SEZ6L: variants seen among roughly 807,000 people sequenced by gnomAD.
SEZ6L encodes seizure related 6 homolog like.
Under a neutral mutation model 106.2 loss-of-function variants are expected in SEZ6L, and 37 were observed. The observed-to-expected ratio is 0.35, with a 90% CI of 0.27 to 0.46. The LOEUF is 0.46. SEZ6L is among the 20% of genes least tolerant of loss of function. The pLI, the probability that SEZ6L is intolerant of heterozygous loss-of-function variation, is 1.00. For synonymous variants in SEZ6L, 541 were observed against 570.4 expected, an observed-to-expected ratio of 0.95 and a Z score of 0.73; for missense variants, 1,172 against 1,332.8, an observed-to-expected ratio of 0.88 and a Z score of 1.88.
intron 10 of SEZ6L, among the ~76,000 whole-genome samples, chr22:26,342,009 G>T (rs2082851973): frequency 6.6e-6 from 1 of 152,172 alleles, no homozygotes; most frequent in Non-Finnish European, 1.5e-5. Context: ...GACAAGCAAG[G>T]ATGAAGGGTT....
intron 16 of SEZ6L, among the ~76,000 whole-genome samples, chr22:26,379,182 C>T (rs555722644): frequency 6.6e-6 from 1 of 152,324 alleles, no homozygotes; most frequent in East Asian, 1.9e-4. Flanking sequence ...AGGGGCCACC[C>T]GCAGTTTCTT....
intron 9 of SEZ6L, among the ~76,000 whole-genome samples, chr22:26,334,381 G>C (rs73158646): frequency 0.13 from 20,003 of 152,182 alleles, 1,441 homozygotes; most frequent in Middle Eastern, 0.18. Flanking sequence ...TGATTCAACA[G>C]GTGGCTTTTC....
At chr22:26,179,297 G>C (rs1939228932) in intron 1 of SEZ6L, among the ~76,000 whole-genome samples, 4 of 152,134 alleles carry the variant, frequency 2.6e-5, no homozygotes, top group Non-Finnish European at 5.9e-5. Context: ...GGCTGAGATG[G>C]GGGGATCCAC....
intron 9 of SEZ6L, among the ~76,000 whole-genome samples, chr22:26,338,867 C>CTTTTATTTT (rs2082731769): frequency 1.1e-5 from 1 of 87,468 alleles, no homozygotes; most frequent in Non-Finnish European, 2.0e-5. Context: ...TTTTTTTTTT[C>CTTTTATTTT]TTTTTTTTTT....
intron 9 of SEZ6L, among the ~76,000 whole-genome samples, chr22:26,327,624 AAAC>A (rs1451860509): frequency 1.4e-5 from 2 of 140,726 alleles, no homozygotes; most frequent in East Asian, 2.2e-4. Context: ...ACATGACACT[AAAC>A]ACACACCACA....
At chr22:26,209,816 T>C (rs1312918971) in intron 1 of SEZ6L, among the ~76,000 whole-genome samples, 1 of 79,210 alleles carries the variant, frequency 1.3e-5, no homozygotes, top group Non-Finnish European at 2.4e-5. Flanking sequence ...GATGGATAGA[T>C]GGAAGAAAGG....
intron 1 of SEZ6L, among the ~76,000 whole-genome samples, chr22:26,210,762 A>G (rs1040829074): frequency 6.6e-6 from 1 of 152,236 alleles, no homozygotes; most frequent in Non-Finnish European, 1.5e-5. Flanking sequence ...AAGAGAGTCC[A>G]CAAGCCAAAA....
intron 9 of SEZ6L, among the ~76,000 whole-genome samples, chr22:26,318,869 G>T (rs2082077618): frequency 6.6e-6 from 1 of 152,150 alleles, no homozygotes; most frequent in African/African-American, 2.4e-5. Flanking sequence ...TTGGGGGAAA[G>T]AATCAAACAA....
At chr22:26,187,920 T>C (rs1023768689) in intron 1 of SEZ6L, among the ~76,000 whole-genome samples, 12 of 152,154 alleles carry the variant, frequency 7.9e-5, no homozygotes, top group African/African-American at 2.9e-4. Flanking sequence ...CCTGAACCAA[T>C]TTGGAAGCCC....
intron 1 of SEZ6L, among the ~76,000 whole-genome samples, chr22:26,195,659 T>C (rs1940525361): frequency 6.6e-6 from 1 of 152,174 alleles, no homozygotes; most frequent in Non-Finnish European, 1.5e-5. Context: ...AAAATGGATG[T>C]GGTCTCCATG....
chr22:26,252,770 G>A lies in SEZ6L; in HGVS notation c.95-39636G>A, dbSNP rs142185662. On this transcript the variant is annotated intron_variant, in intron 1 of 16. Coordinates refer to ENST00000248933, the MANE Select transcript of SEZ6L (RefSeq NM_021115.5). ...GTGATTTTGTTCTTTGTTTATGGCTGCATAGTATTTCACAGTGTATATGTA... is the reference window on the plus strand; with the variant it reads ...GTGATTTTGTTCTTTGTTTATGGCTACATAGTATTTCACAGTGTATATGTA... Among the ~76,000 whole-genome samples, 683 of 152,342 alleles carry A rather than the reference G, an allele frequency of 4.5e-3. 3 individuals are homozygous for A. Among genetic ancestry groups the A allele is most frequent in the Admixed American group, 6.9e-3 (106 of 15,308 alleles).
intron 9 of SEZ6L, among the ~76,000 whole-genome samples, chr22:26,326,013 ACAGGTCCTACC>A (rs2082295695): frequency 6.6e-6 from 1 of 152,106 alleles, no homozygotes; most frequent in South Asian, 2.1e-4. Context: ...GAATCCATAC[ACAGGTCCTACC>A]CAGGTATCCC....
intron 1 of SEZ6L, among the ~76,000 whole-genome samples, chr22:26,267,655 A>C (rs2080232970): frequency 6.6e-6 from 1 of 152,222 alleles, no homozygotes; most frequent in African/African-American, 2.4e-5. Flanking sequence ...GAAAGTAGGC[A>C]TTTTAATTGT....
chr22:26,375,504 A>G, intron 14 of SEZ6L, 71 bp from the exon 15 acceptor site: 1 of 1,248,064 alleles, frequency 8.0e-7, no homozygotes. Flanking sequence ...GGGGTGGAGA[A>G]CTGGGCAGTT....
Position 26,351,084 on chromosome 22 carries a change from C to T in SEZ6L, c.2440C>T (p.His814Tyr), listed in dbSNP as rs865885210. 1 of 1,614,162 alleles carries T rather than the reference C, an allele frequency of 6.2e-7. No homozygotes were observed. Among genetic ancestry groups the T allele is most frequent in the Non-Finnish European group, 8.5e-7 (1 of 1,180,026 alleles). The change falls in exon 12 of 17, where the codon CAC becomes TAC. Residue 814 changes from histidine (H) to tyrosine (Y), a missense_variant. By Grantham distance (83) the His-to-Tyr change is moderately conservative (BLOSUM62 2). Coordinates refer to ENST00000248933, the MANE Select transcript of SEZ6L (RefSeq NM_021115.5). The stretch of plus-strand genomic sequence containing the variant: ...CTGCACCGACCCCGGAGAGGTGGAT[C>T]ACTCGACCCGCTTAATTTCGGATCC... ...MYCTDPGEVD[H>Y]STRLISDPVL... is the part of the protein sequence containing the mutation.
chr22:26,234,328 A>G (rs1013935312), intron 1 of SEZ6L, among the ~76,000 whole-genome samples: 5 of 152,130 alleles, frequency 3.3e-5, no homozygotes, highest in Admixed American at 6.5e-5. Context: ...ACCTTGGGGG[A>G]AGGAAATAAT....
chr22:26,336,156 C>T (rs1474517959), intron 9 of SEZ6L, among the ~76,000 whole-genome samples: 1 of 152,146 alleles, frequency 6.6e-6, no homozygotes, highest in Non-Finnish European at 1.5e-5. Context: ...ACTGCAAGGC[C>T]CTTCCCACTT....
chr22:26,318,722 G>A (rs1220317981), intron 9 of SEZ6L, among the ~76,000 whole-genome samples: 2 of 152,098 alleles, frequency 1.3e-5, no homozygotes, highest in Admixed American at 1.3e-4. Context: ...CAAATGAAAT[G>A]TATTCAAAGA....
intron 1 of SEZ6L, among the ~76,000 whole-genome samples, chr22:26,241,873 G>A (rs571764940): frequency 6.6e-5 from 10 of 152,214 alleles, no homozygotes; most frequent in East Asian, 1.9e-4. Context: ...CAAGGACACC[G>A]GGAGGACAAG....
Sources: gnomAD v4.1 joint callset for allele counts (sites outside exome capture counted in the v4.1 genomes callset) on GRCh38, gnomAD v4.1.1 for gene constraint, MANE v1.5 for transcripts, NCBI Gene and HGNC (gene_info 2026-07-23, HGNC 2026-07-21) for gene names.